Variants in CDH8 observed in about 807,000 individuals in gnomAD.
The protein encoded by CDH8 is cadherin 8.
CDH8 carries 17 observed loss-of-function variants against 68.1 expected under a neutral mutation model. That is an observed-to-expected ratio of 0.25 (90% confidence interval 0.17 to 0.37). The LOEUF (loss-of-function observed/expected upper bound fraction) is 0.37, where lower values mean the gene tolerates loss of function less well. Ranked by LOEUF, CDH8 falls within the 10% of genes least tolerant of loss-of-function variation. CDH8 has a pLI of 1.00. For synonymous variants in CDH8, 372 were observed against 365.1 expected (o/e 1.02, Z -0.21); for missense variants, 763 against 999.3 (o/e 0.76, Z 3.19).
At chr16:61,876,319 A>G (rs942275661) in intron 3 of CDH8, among the ~76,000 whole-genome samples, 58 of 152,190 alleles carry the variant, frequency 3.8e-4, no homozygotes, top group Non-Finnish European at 1.6e-4. Flanking sequence ...AACAAGAATC[A>G]AATAAGCGTA....
At chr16:61,779,423 T>TTGTGTGTGTGTG (rs1377776424) in intron 8 of CDH8, among the ~76,000 whole-genome samples, 3 of 64,032 alleles carry the variant, frequency 4.7e-5, no homozygotes, top group African/African-American at 1.6e-4. Context: ...TAATGTTCGT[T>TTGTGTGTGTGTG]TATGTGTGTG....
chr16:61,884,819 G>T (rs1475650762), intron 3 of CDH8, among the ~76,000 whole-genome samples: 1 of 152,144 alleles, frequency 6.6e-6, no homozygotes, highest in Non-Finnish European at 1.5e-5. Flanking sequence ...TAGGCTATTG[G>T]TAGTTAAGTT....
Position 61,768,311 on chromosome 16 carries a change from C to CTCTCTCT in CDH8, c.1414+21034_1414+21035insAGAGAGA, listed in dbSNP as rs1567461041. On this transcript the variant is annotated intron_variant, in intron 8 of 11. Coordinates refer to ENST00000577390, the MANE Select transcript of CDH8 (RefSeq NM_001796.5). Reference sequence around the variant, plus strand: ...TTCAGGCTCTCTCTCTGTGTCTCTCCCTTTCTCTCTCTCTCTCTCTCTCTC... The same window carrying CTCTCTCT: ...TTCAGGCTCTCTCTCTGTGTCTCTCCTCTCTCTCTTTCTCTCTCTCTCTCTCTCTCTC... Among the ~76,000 whole-genome samples the CTCTCTCT allele has an allele frequency of 2.3e-3, 37 of 16,398 alleles. 1 individual carries two copies. Among genetic ancestry groups the CTCTCTCT allele is most frequent in the Middle Eastern group, 0.042 (1 of 24 alleles). 10.8% of individuals were successfully genotyped at this position (16,398 alleles called of 152,430 possible).
At chr16:61,837,263 T>C (rs1597007970) in intron 4 of CDH8, among the ~76,000 whole-genome samples, 2 of 152,070 alleles carry the variant, frequency 1.3e-5, no homozygotes, top group African/African-American at 4.8e-5. Context: ...TCGTTTTCCC[T>C]TTTGCTTATA....
At position 61,653,580 on chromosome 16, in the gene CDH8, GT is replaced by G. The variant is rs759909786; in HGVS notation, c.*27del. 2.0e-5 allele frequency: 31 copies of G among 1,580,218 alleles called. 1 individual carries two copies. In the Middle Eastern group the frequency reaches 1.0e-3, roughly 52 times the overall value. ...ACCCTAGAATATTACAGAATGCTCA[GT>G]TCCAGTGATTTATTTATAATCCACT... On this transcript the variant is annotated 3_prime_UTR_variant, in exon 12 of 12. Coordinates refer to ENST00000577390, the MANE Select transcript of CDH8 (RefSeq NM_001796.5).
intron 9 of CDH8, chr16:61,726,178 T>C (rs999937456): frequency 2.0e-5 from 3 of 150,936 alleles, no homozygotes; most frequent in African/African-American, 7.3e-5. Context: ...TCCAGTGTCA[T>C]ACTGTCAGCT....
intron 6 of CDH8, chr16:61,818,185 G>T (rs1962125173): frequency 6.3e-6 from 1 of 158,176 alleles, no homozygotes; most frequent in South Asian, 1.8e-4. Flanking sequence ...TAAAGAACTA[G>T]AAATAATCAT....
At chr16:61,984,930 A>G (rs1965600621) in intron 2 of CDH8, among the ~76,000 whole-genome samples, 2 of 152,242 alleles carry the variant, frequency 1.3e-5, no homozygotes, top group South Asian at 4.1e-4. Flanking sequence ...TCATTGACCT[A>G]TAGTGCTATT....
chr16:61,810,315 T>A (rs1284239638), intron 7 of CDH8, among the ~76,000 whole-genome samples: 1 of 152,210 alleles, frequency 6.6e-6, no homozygotes, highest in Non-Finnish European at 1.5e-5. Context: ...TTTTTGCCTC[T>A]AATTGCTCCA....
At chr16:61,769,206 TA>T (rs1960714428) in intron 8 of CDH8, among the ~76,000 whole-genome samples, 1 of 151,832 alleles carries the variant, frequency 6.6e-6, no homozygotes, top group Admixed American at 6.6e-5. Flanking sequence ...GCAGAACGCT[TA>T]AAAATGTCTC....
chr16:61,739,328 AT>A (rs1460954027), intron 8 of CDH8, among the ~76,000 whole-genome samples: 1 of 152,138 alleles, frequency 6.6e-6, no homozygotes, highest in African/African-American at 2.4e-5. Context: ...ACTTTACAAC[AT>A]AGTGACCCCA....
chr16:61,687,605 C>T (rs1964134917), intron 10 of CDH8, among the ~76,000 whole-genome samples: 1 of 151,972 alleles, frequency 6.6e-6, no homozygotes, highest in Non-Finnish European at 1.5e-5. Flanking sequence ...TCACACAAAC[C>T]TTCCTGCCAG....
chr16:61,931,308 T>C (rs1353447733), intron 2 of CDH8, among the ~76,000 whole-genome samples: 1 of 151,990 alleles, frequency 6.6e-6, no homozygotes, highest in African/African-American at 2.4e-5. Context: ...AGGCCACGAG[T>C]GCACACAACC....
intron 2 of CDH8, among the ~76,000 whole-genome samples, chr16:61,925,517 T>C (rs1335544146): frequency 1.3e-5 from 2 of 152,222 alleles, no homozygotes; most frequent in Non-Finnish European, 2.9e-5. Flanking sequence ...GATGTGACTT[T>C]GATGACTTTA....
intron 8 of CDH8, among the ~76,000 whole-genome samples, chr16:61,785,378 A>T (rs1213811656): frequency 1.0e-5 from 1 of 98,878 alleles, no homozygotes; most frequent in African/African-American, 4.2e-5. Context: ...CTCTCCCAAG[A>T]CTAAACCAGG....
At chr16:61,780,983 A>T (rs939793292) in intron 8 of CDH8, among the ~76,000 whole-genome samples, 5 of 152,238 alleles carry the variant, frequency 3.3e-5, no homozygotes, top group Non-Finnish European at 7.3e-5. Flanking sequence ...TCAAACAAAG[A>T]CAGATTTTTA....
intron 2 of CDH8, among the ~76,000 whole-genome samples, chr16:61,958,809 G>A (rs911525739): frequency 4.6e-5 from 7 of 152,152 alleles, no homozygotes; most frequent in Non-Finnish European, 1.0e-4. Context: ...ACTAAGAGTA[G>A]TATTTCAGAG....
At chr16:61,830,236 C>T (rs1962426036) in intron 4 of CDH8, among the ~76,000 whole-genome samples, 1 of 151,654 alleles carries the variant, frequency 6.6e-6, no homozygotes. Context: ...AGAGATAACT[C>T]CCCTATTTTA....
At chr16:61,834,214 G>A (rs1962520312) in intron 4 of CDH8, among the ~76,000 whole-genome samples, 2 of 151,808 alleles carry the variant, frequency 1.3e-5, no homozygotes, top group African/African-American at 2.4e-5. Context: ...TGTCTCCAGG[G>A]ACCAGAGACA....
Sources: allele counts gnomAD v4.1 joint callset (sites outside exome capture counted in the v4.1 genomes callset), GRCh38; gene constraint gnomAD v4.1.1; transcripts MANE v1.5; gene names NCBI Gene and HGNC (gene_info 2026-07-23, HGNC 2026-07-21).